Variants in MOCOS observed in about 807,000 individuals in gnomAD.
MOCOS encodes the protein molybdenum cofactor sulfurase.
Under a neutral mutation model 83.6 loss-of-function variants are expected in MOCOS, and 86 were observed. The ratio of observed to expected loss-of-function variants is 1.03; its 90% CI spans 0.86 to 1.23. The LOEUF (loss-of-function observed/expected upper bound fraction) is 1.23. Among genes scored for constraint, MOCOS ranks in the 50% most tolerant of loss-of-function variants. The pLI is 0.00. For synonymous variants in MOCOS, 445 were observed against 434.7 expected (o/e 1.02, Z -0.29); for missense variants, 1,120 against 1,126.9 (o/e 0.99, Z 0.09).
intron 9 of MOCOS, among the ~76,000 whole-genome samples, chr18:36,244,912 A>G: frequency 6.6e-6 from 1 of 152,066 alleles, no homozygotes; most frequent in Admixed American, 6.6e-5. Flanking sequence ...TTGTTGCTTT[A>G]AAGTTTGTTT....
chr18:36,233,430 G>A (rs936271007), intron 9 of MOCOS, among the ~76,000 whole-genome samples: 2 of 151,978 alleles, frequency 1.3e-5, no homozygotes, highest in African/African-American at 2.4e-5. Context: ...CTTTATCCAC[G>A]CATTGGCTGA....
At chr18:36,204,233 A>C (rs2091425865) in intron 5 of MOCOS, among the ~76,000 whole-genome samples, 1 of 151,318 alleles carries the variant, frequency 6.6e-6, no homozygotes, top group Non-Finnish European at 1.5e-5. Flanking sequence ...ATAACTCTCT[A>C]TTTCCTCCTC....
chr18:36,188,187 G>T (rs2091349815), intron 1 of MOCOS, among the ~76,000 whole-genome samples: 1 of 152,254 alleles, frequency 6.6e-6, no homozygotes, highest in Non-Finnish European at 1.5e-5. Flanking sequence ...GCTGCGCTCT[G>T]CAGACTCCTC....
intron 9 of MOCOS, among the ~76,000 whole-genome samples, chr18:36,221,850 C>T (rs949041200): frequency 6.6e-5 from 10 of 151,944 alleles, no homozygotes; most frequent in South Asian, 4.1e-4. Context: ...TTCAGCCTCC[C>T]GAGTAGCTGG....
intron 1 of MOCOS, among the ~76,000 whole-genome samples, chr18:36,191,149 T>C (rs2091364525): frequency 6.6e-6 from 1 of 152,086 alleles, no homozygotes; most frequent in Non-Finnish European, 1.5e-5. Context: ...TCCACCAAGA[T>C]TGTAAAGTTT....
intron 9 of MOCOS, among the ~76,000 whole-genome samples, chr18:36,241,525 G>A (rs1015428895): frequency 6.6e-6 from 1 of 152,176 alleles, no homozygotes; most frequent in Non-Finnish European, 1.5e-5. Context: ...GTTGAGTGAT[G>A]GGGCTTTTCC....
intron 9 of MOCOS, among the ~76,000 whole-genome samples, chr18:36,239,061 A>G (rs1287424561): frequency 6.6e-6 from 1 of 150,556 alleles, no homozygotes; most frequent in African/African-American, 2.4e-5. Flanking sequence ...TGAATACAGC[A>G]CACTGATGGG....
At chr18:36,209,875 G>A in intron 6 of MOCOS, among the ~76,000 whole-genome samples, 1 of 152,014 alleles carries the variant, frequency 6.6e-6, no homozygotes, top group East Asian at 1.9e-4. Flanking sequence ...CTAATTTTTT[G>A]GCATTTTTTG....
chr18:36,254,501 TAGAGAG>T (rs57765304), intron 11 of MOCOS, among the ~76,000 whole-genome samples: 9 of 144,752 alleles, frequency 6.2e-5, no homozygotes, highest in South Asian at 4.4e-4. Flanking sequence ...TGTGTGTGTA[TAGAGAG>T]AGAGAGAGCG....
chr18:36,189,763 T>G (rs949194855), intron 1 of MOCOS: 10 of 152,252 alleles, frequency 6.6e-5, no homozygotes, highest in African/African-American at 2.4e-4. Flanking sequence ...CCTGGAATTC[T>G]CTTTCCTGAA....
chr18:36,198,510 C>T (rs2091399186), intron 2 of MOCOS, among the ~76,000 whole-genome samples, 180 bp from the exon 3 acceptor site: 1 of 152,232 alleles, frequency 6.6e-6, no homozygotes, highest in African/African-American at 2.4e-5. Context: ...CATTCCCATG[C>T]AAGTCTGTAT....
chr18:36,203,549 G>A (rs555061019), intron 5 of MOCOS, among the ~76,000 whole-genome samples: 87 of 152,264 alleles, frequency 5.7e-4, no homozygotes, highest in African/African-American at 2.0e-3. Context: ...ACTGCCCCAC[G>A]GGGGAGCTCT....
At chr18:36,192,721 C>T (rs975056530) in intron 1 of MOCOS, among the ~76,000 whole-genome samples, 10 of 152,144 alleles carry the variant, frequency 6.6e-5, no homozygotes, top group Non-Finnish European at 1.2e-4. Flanking sequence ...AATCTCAGCT[C>T]ACTGCAATCT....
chr18:36,248,878 G>C (rs751168597), intron 9 of MOCOS, 44 bp from the exon 10 acceptor site: 1 of 1,526,440 alleles, frequency 6.6e-7, no homozygotes, highest in South Asian at 1.1e-5. Context: ...AGTAGCTGTT[G>C]TTTTTACATA....
chr18:36,190,744 G>A (rs1339774355), intron 1 of MOCOS, among the ~76,000 whole-genome samples: 1 of 151,742 alleles, frequency 6.6e-6, no homozygotes. Context: ...GTGAGACCCT[G>A]TCTCAAAAAA....
chr18:36,205,603 G>A (rs2091431905), intron 6 of MOCOS, among the ~76,000 whole-genome samples: 1 of 152,206 alleles, frequency 6.6e-6, no homozygotes, highest in African/African-American at 2.4e-5. Flanking sequence ...GGTGGTAGGT[G>A]GTTATCAGAC....
intron 9 of MOCOS, among the ~76,000 whole-genome samples, chr18:36,227,083 ATT>A (rs200763379): frequency 7.0e-6 from 1 of 143,454 alleles, no homozygotes; most frequent in Non-Finnish European, 1.5e-5. Context: ...TAATTTTTGT[ATT>A]TTTTTTTTTA....
intron 9 of MOCOS, among the ~76,000 whole-genome samples, chr18:36,227,062 C>G (rs1333571562): frequency 6.6e-6 from 1 of 151,664 alleles, no homozygotes; most frequent in African/African-American, 2.4e-5. Flanking sequence ...ACACATGCCA[C>G]CATGCCTGGC....
chr18:36,257,181 C>T (rs1022906810), intron 12 of MOCOS, 108 bp downstream of exon 12: 2 of 977,498 alleles, frequency 2.0e-6, no homozygotes. Flanking sequence ...TGAAGTTCAG[C>T]CCTGCTTCAT....
Sources: gnomAD v4.1 joint callset for allele counts (sites outside exome capture counted in the v4.1 genomes callset) on GRCh38, gnomAD v4.1.1 for gene constraint, MANE v1.5 for transcripts, NCBI Gene and HGNC (gene_info 2026-07-23, HGNC 2026-07-21) for gene names.